RASGEF1C: variants seen among roughly 807,000 people sequenced by gnomAD.
RASGEF1C encodes RasGEF domain family member 1C.
RASGEF1C carries 27 observed loss-of-function variants against 58.1 expected under a neutral mutation model. The ratio of observed to expected loss-of-function variants is 0.46; its 90% CI spans 0.34 to 0.64. The LOEUF (loss-of-function observed/expected upper bound fraction) is 0.64. RASGEF1C is among the 30% of genes least tolerant of loss of function. The pLI is 0.01. For synonymous variants in RASGEF1C, 243 were observed against 246.3 expected (o/e 0.99, Z 0.13); for missense variants, 502 against 605.1 (o/e 0.83, Z 1.79).
chr5:180,116,297 G>A (rs1766066625), intron 10 of RASGEF1C, among the ~76,000 whole-genome samples: 1 of 152,110 alleles, frequency 6.6e-6, no homozygotes, highest in South Asian at 2.1e-4. Context: ...TGGGCCCTGT[G>A]ACACAGACTG....
At chr5:180,173,966 C>T (rs1767167075) in intron 1 of RASGEF1C, among the ~76,000 whole-genome samples, 1 of 151,354 alleles carries the variant, frequency 6.6e-6, no homozygotes, top group Non-Finnish European at 1.5e-5. Context: ...CATTGTGATC[C>T]ATGACATGGA....
intron 1 of RASGEF1C, among the ~76,000 whole-genome samples, chr5:180,193,211 GCA>G (rs1756200123): frequency 6.8e-5 from 2 of 29,622 alleles, no homozygotes; most frequent in East Asian, 7.0e-3. Context: ...GCCCGCCACC[GCA>G]CCCGGCTAAT....
At chr5:180,112,008 G>A (rs566868124) in intron 11 of RASGEF1C, among the ~76,000 whole-genome samples, 2 of 152,252 alleles carry the variant, frequency 1.3e-5, no homozygotes, top group South Asian at 4.1e-4. Flanking sequence ...AGGGACCCCC[G>A]CTCCACGACA....
At position 180,129,434 on chromosome 5, in the gene RASGEF1C, G is replaced by A. The variant is rs117201959; in HGVS notation, c.439-824C>T. Among the ~76,000 whole-genome samples, 27 of 152,178 alleles carry A rather than the reference G, an allele frequency of 1.8e-4. No individual in the cohort carries two copies. The East Asian group carries it at 5.0e-3, about 28-fold the overall frequency. ...GCCCACTGCCATAGGAGTGCCAGAC[G>A]ACTCCCAACCCCGCCACCAGAGCAC... On this transcript the variant is annotated intron_variant, in intron 4 of 13. Transcript: ENST00000361132.
At chr5:180,112,668 G>A (rs1019329458) in intron 11 of RASGEF1C, among the ~76,000 whole-genome samples, 2 of 152,248 alleles carry the variant, frequency 1.3e-5, no homozygotes, top group South Asian at 2.1e-4. Flanking sequence ...CTACAGACTC[G>A]GGGTCCAGCT....
chr5:180,142,579 T>C (rs890792566), intron 1 of RASGEF1C, among the ~76,000 whole-genome samples: 5 of 152,112 alleles, frequency 3.3e-5, no homozygotes, highest in African/African-American at 9.7e-5. Context: ...AAAGGGAGCA[T>C]GGACGGGGAG....
intron 1 of RASGEF1C, among the ~76,000 whole-genome samples, chr5:180,161,364 C>T (rs889309292): frequency 5.3e-5 from 8 of 152,238 alleles, no homozygotes; most frequent in African/African-American, 1.9e-4. Flanking sequence ...TGGTTTCCTC[C>T]CTGGAAAGCG....
Position 180,103,336 on chromosome 5 carries a change from C to A in RASGEF1C, c.1304-1193G>T, listed in dbSNP as rs1200326582. 4.6e-5 allele frequency among the ~76,000 whole-genome samples: 7 copies of A among 152,242 alleles called. No individual in the cohort carries two copies. The East Asian group carries it at 1.3e-3, about 29-fold the overall frequency. On this transcript the variant is annotated intron_variant, in intron 12 of 13. Transcript: ENST00000361132. ...TTGTGATCCGCCCGCCTCGGCCTCC[C>A]AGAGTGCTGAGATTACAGGCGTGAG...
intron 1 of RASGEF1C, among the ~76,000 whole-genome samples, chr5:180,157,726 A>G (rs1288255473): frequency 6.6e-6 from 1 of 152,184 alleles, no homozygotes; most frequent in African/African-American, 2.4e-5. Context: ...ATCTGAAAAG[A>G]CTGCATGATT....
intron 4 of RASGEF1C, among the ~76,000 whole-genome samples, chr5:180,133,572 A>G (rs1318663836): frequency 2.0e-5 from 3 of 152,236 alleles, no homozygotes; most frequent in African/African-American, 7.2e-5. Context: ...AGCACTTTCT[A>G]TCATTTTATT....
chr5:180,135,116 C>T (rs1272781150), intron 4 of RASGEF1C: 1 of 135,206 alleles, frequency 7.4e-6, no homozygotes, highest in Non-Finnish European at 1.6e-5. Context: ...ATGTCACAAT[C>T]TCGAGATGGA....
chr5:180,170,675 G>T, intron 1 of RASGEF1C, among the ~76,000 whole-genome samples: 1 of 152,134 alleles, frequency 6.6e-6, no homozygotes, highest in East Asian at 1.9e-4. Flanking sequence ...GCCACACCTG[G>T]CCCCCCAGCG....
intron 1 of RASGEF1C, among the ~76,000 whole-genome samples, chr5:180,186,731 C>T (rs1756048966): frequency 6.6e-6 from 1 of 152,146 alleles, no homozygotes; most frequent in Non-Finnish European, 1.5e-5. Context: ...TTTGGGAGGC[C>T]AAGGCGGGCT....
intron 1 of RASGEF1C, among the ~76,000 whole-genome samples, chr5:180,193,569 T>C (rs1410318691): frequency 6.6e-6 from 1 of 151,810 alleles, no homozygotes; most frequent in Non-Finnish European, 1.5e-5. Flanking sequence ...AGTGTTCCCA[T>C]CCCCTCACAA....
Position 180,143,726 on chromosome 5 carries a change from C to T in RASGEF1C, c.-6-5668G>A, listed in dbSNP as rs1766620419. ...GATGGGGCCACACAGTGAGTTAAAG[C>T]ACAGTTAGAAATGACATCTGTAGTG... On this transcript the variant is annotated intron_variant, in intron 1 of 13. Transcript: ENST00000361132. The surrounding 1 kb of genome is among the most constrained non-coding windows in gnomAD (Gnocchi z 4.3). Among the ~76,000 whole-genome samples, 1 of 152,202 alleles carries T rather than the reference C, an allele frequency of 6.6e-6. No homozygotes were observed. Among genetic ancestry groups the T allele is most frequent in the East Asian group, 1.9e-4 (1 of 5,192 alleles).
chr5:180,178,170 G>A (rs1335005960), intron 1 of RASGEF1C, among the ~76,000 whole-genome samples: 1 of 149,356 alleles, frequency 6.7e-6, no homozygotes, highest in African/African-American at 2.5e-5. Context: ...TAGAGACAGG[G>A]TTTCACTGTG....
rs1420129835 is a variant in RASGEF1C at position 180,194,168 on chromosome 5, G to T, written c.-7+14860C>A. On this transcript the variant is annotated intron_variant, in intron 1 of 13. Transcript: ENST00000361132. ...CCTTCCTCCCTGTGTGAGCCGGACG[G>T]GGAGGGCAGCCGAACGCGCGAGCTT... Among the ~76,000 whole-genome samples the T allele has an allele frequency of 2.0e-5, 3 of 152,178 alleles. No homozygotes were observed. In the South Asian group the frequency reaches 6.2e-4, roughly 32 times the overall value.
At position 180,137,552 on chromosome 5, in the gene RASGEF1C, G is replaced by A. The variant is rs1481475978; in HGVS notation, c.300+38C>T. The A allele has an allele frequency of 1.3e-6, 2 of 1,594,416 alleles. No individual in the cohort carries two copies. Among genetic ancestry groups the A allele is most frequent in the Non-Finnish European group, 8.5e-7 (1 of 1,172,642 alleles). On this transcript the variant is annotated intron_variant, in intron 3 of 13. Coordinates refer to ENST00000361132, the MANE Select transcript of RASGEF1C (RefSeq NM_175062.4). This position sits in a 1 kb window ranked among gnomAD's most constrained non-coding sequence, Gnocchi z 4.1. ...TTGAGGGCATGGCAGGGCAGTGCTG[G>A]TACACTCTGAGACCCCCTGGCCTGC...
chr5:180,164,963 A>G (rs1244934414), intron 1 of RASGEF1C, among the ~76,000 whole-genome samples: 1 of 152,134 alleles, frequency 6.6e-6, no homozygotes, highest in Non-Finnish European at 1.5e-5. Flanking sequence ...GTGCACATAC[A>G]TTTAGGATTG....
Sources: allele counts gnomAD v4.1 joint callset (sites outside exome capture counted in the v4.1 genomes callset), GRCh38; gene constraint gnomAD v4.1.1; non-coding constraint Gnocchi (gnomAD v3.1); transcripts MANE v1.5; gene names NCBI Gene and HGNC (gene_info 2026-07-23, HGNC 2026-07-21).